TRABD2B: variants seen among roughly 807,000 people sequenced by gnomAD.
The protein encoded by TRABD2B is metalloprotease TIKI2.
TRABD2B carries 14 observed loss-of-function variants against 40.1 expected under a neutral mutation model. The observed-to-expected ratio is 0.35, with a 90% CI of 0.23 to 0.55. TRABD2B has a LOEUF of 0.55. Among genes scored for constraint, TRABD2B ranks in the 20% least tolerant of loss-of-function variants. The pLI, the probability that TRABD2B is intolerant of heterozygous loss-of-function variation, is 0.90. For missense variants in TRABD2B, 541 were observed against 648.6 expected (o/e 0.83, Z 1.80); for synonymous variants, 263 against 277.0 (o/e 0.95, Z 0.50).
At chr1:47,780,242 C>T (rs890114789) in intron 4 of TRABD2B, among the ~76,000 whole-genome samples, 1 of 152,222 alleles carries the variant, frequency 6.6e-6, no homozygotes, top group African/African-American at 2.4e-5. Context: ...AACCACCACA[C>T]TTACTCTGAG....
intron 2 of TRABD2B, among the ~76,000 whole-genome samples, chr1:47,855,020 T>C (rs975713669): frequency 3.3e-5 from 5 of 152,192 alleles, no homozygotes; most frequent in Admixed American, 1.3e-4. Context: ...TCAGCAGATA[T>C]GATATAAAAT....
At chr1:47,983,541 G>A (rs1418325367) in intron 2 of TRABD2B, among the ~76,000 whole-genome samples, 1 of 151,934 alleles carries the variant, frequency 6.6e-6, no homozygotes, top group Admixed American at 6.6e-5. Flanking sequence ...TGTTATCACC[G>A]AAGTCCCCAA....
intron 2 of TRABD2B, among the ~76,000 whole-genome samples, chr1:47,902,587 C>A (rs1278892445): frequency 6.6e-6 from 1 of 152,208 alleles, no homozygotes; most frequent in African/African-American, 2.4e-5. Flanking sequence ...GCTTTGAACT[C>A]CTGGGCTCAA....
chr1:47,936,072 G>A (rs1645102789), intron 2 of TRABD2B, among the ~76,000 whole-genome samples: 1 of 152,164 alleles, frequency 6.6e-6, no homozygotes, highest in Non-Finnish European at 1.5e-5. Flanking sequence ...ATGGCACCTG[G>A]CACACAGGAG....
chr1:47,926,795 C>T (rs75620943), intron 2 of TRABD2B, among the ~76,000 whole-genome samples: 3,564 of 152,296 alleles, frequency 0.023, 107 homozygotes, highest in Admixed American at 0.09. Flanking sequence ...GCCAACTACT[C>T]AGCCCTACTC....
chr1:47,897,244 G>A (rs996586803), intron 2 of TRABD2B, among the ~76,000 whole-genome samples: 18 of 152,206 alleles, frequency 1.2e-4, no homozygotes, highest in Admixed American at 9.2e-4. Context: ...ACAGGATCAT[G>A]CTTGGCATGT....
chr1:47,880,679 C>G (rs1019569959), intron 2 of TRABD2B, among the ~76,000 whole-genome samples: 1 of 152,174 alleles, frequency 6.6e-6, no homozygotes, highest in African/African-American at 2.4e-5. Context: ...TGTTCTAGGT[C>G]TTACCTGGGG....
chr1:47,820,724 G>A (rs886270708), intron 2 of TRABD2B, among the ~76,000 whole-genome samples: 4 of 151,836 alleles, frequency 2.6e-5, no homozygotes, highest in Middle Eastern at 3.4e-3. Flanking sequence ...CAACAGGTGG[G>A]AATAGCAACG....
intron 2 of TRABD2B, among the ~76,000 whole-genome samples, chr1:47,984,173 G>A (rs1478441761): frequency 6.6e-6 from 1 of 152,250 alleles, no homozygotes; most frequent in African/African-American, 2.4e-5. Context: ...ACAAGGAGGG[G>A]AAGGCCTGTC....
intron 2 of TRABD2B, among the ~76,000 whole-genome samples, chr1:47,875,692 A>G (rs1390053607): frequency 1.7e-4 from 26 of 150,398 alleles, no homozygotes; most frequent in Middle Eastern, 3.4e-3. Flanking sequence ...AAAAAAAAAA[A>G]AAAAAAAAGA....
chr1:47,792,973 A>G (rs1460142746), intron 4 of TRABD2B, among the ~76,000 whole-genome samples: 4 of 152,014 alleles, frequency 2.6e-5, no homozygotes, highest in Non-Finnish European at 2.9e-5. Context: ...AGGCAGCTGG[A>G]TGGTGAGGGA....
At chr1:47,868,504 G>A (rs765032117) in intron 2 of TRABD2B, among the ~76,000 whole-genome samples, 7 of 152,152 alleles carry the variant, frequency 4.6e-5, no homozygotes, top group Non-Finnish European at 1.0e-4. Context: ...GCAAGTGAGC[G>A]AGCATTACCG....
intron 2 of TRABD2B, among the ~76,000 whole-genome samples, chr1:47,850,764 G>A (rs1645538941): frequency 6.6e-6 from 1 of 152,208 alleles, no homozygotes; most frequent in South Asian, 2.1e-4. Flanking sequence ...CGCCTCCTCT[G>A]GCTCATGTCT....
rs188939324 is a variant in TRABD2B, at chr1:47,862,013, C to T, written c.667-60394G>A. 1.4e-3 allele frequency among the ~76,000 whole-genome samples: 206 copies of T among 152,210 alleles called. 1 individual carries two copies. The highest frequency in any genetic ancestry group is 4.8e-3 in the African/African-American group (199 of 41,544). ...AATCAGCAGGTTAAAGAAGAAAATA[C>T]ATGTAAAAAAAGTATTAGACAAAAT... On this transcript the variant is annotated intron_variant, in intron 2 of 6. Coordinates refer to ENST00000606738, the MANE Select transcript of TRABD2B (RefSeq NM_001194986.2).
At chr1:47,793,133 C>T (rs1220803932) in intron 4 of TRABD2B, among the ~76,000 whole-genome samples, 1 of 152,180 alleles carries the variant, frequency 6.6e-6, no homozygotes, top group Admixed American at 6.5e-5. Flanking sequence ...ACAGGAATCC[C>T]TCCCTTCTCT....
rs114760213 is a variant in TRABD2B, at chr1:47,896,983, C to G, written c.667-95364G>C. Among the ~76,000 whole-genome samples the G allele has an allele frequency of 3.6e-3, 551 of 152,308 alleles. 3 individuals carry two copies. Among genetic ancestry groups the G allele is most frequent in the African/African-American group, 0.013 (529 of 41,566 alleles). Reference sequence around the variant, plus strand: ...AGTATGTGGGATATTCAGCATGCAACAGGCCCAAATTCCTGCTCTCCTGGA... The same window carrying G: ...AGTATGTGGGATATTCAGCATGCAAGAGGCCCAAATTCCTGCTCTCCTGGA... On this transcript the variant is annotated intron_variant, in intron 2 of 6. Coordinates refer to ENST00000606738, the MANE Select transcript of TRABD2B (RefSeq NM_001194986.2).
chr1:47,909,394 G>A (rs1340043311), intron 2 of TRABD2B, among the ~76,000 whole-genome samples: 7 of 151,780 alleles, frequency 4.6e-5, no homozygotes, highest in African/African-American at 1.7e-4. Context: ...GAGAGAGGAA[G>A]CATGAGAGAG....
At position 47,997,080 on chromosome 1, in the gene TRABD2B, C is replaced by T; in HGVS notation, c.-291G>A. 2.0e-6 allele frequency: 2 copies of T among 983,884 alleles called. No homozygotes were observed. The highest frequency in any genetic ancestry group is 5.2e-4 in the Middle Eastern group (1 of 1,910). 60.9% of individuals were successfully genotyped at this position (983,884 alleles called of 1,614,324 possible). On this transcript the variant is annotated 5_prime_UTR_variant, in exon 1 of 7. Transcript: ENST00000606738. ...GAGGGCGTGTTGGGGTCCGGGGGCG[C>T]GCGGGGTCCCGGAGCTGCGTCGCGG...
intron 2 of TRABD2B, among the ~76,000 whole-genome samples, chr1:47,836,760 CTTA>C (rs1645324304): frequency 6.6e-6 from 1 of 152,182 alleles, no homozygotes; most frequent in African/African-American, 2.4e-5. Context: ...GAGATTAGTA[CTTA>C]CAAAAGAGAC....
Sources: gnomAD v4.1 joint callset for allele counts (sites outside exome capture counted in the v4.1 genomes callset) on GRCh38, gnomAD v4.1.1 for gene constraint, MANE v1.5 for transcripts, NCBI Gene and HGNC (gene_info 2026-07-23, HGNC 2026-07-21) for gene names.